Variants in HOOK3 observed in about 807,000 individuals in gnomAD.
HOOK3 encodes hook microtubule tethering protein 3, also known as protein Hook homolog 3.
HOOK3 carries 24 observed loss-of-function variants against 116.3 expected under a neutral mutation model. The ratio of observed to expected loss-of-function variants is 0.21; its 90% confidence interval spans 0.15 to 0.29. The LOEUF (loss-of-function observed/expected upper bound fraction) is 0.29. HOOK3 is among the 10% of genes least tolerant of loss of function. HOOK3 has a pLI of 1.00. For synonymous variants in HOOK3, 275 were observed against 283.0 expected (o/e 0.97, Z 0.28); for missense variants, 632 against 830.2 (o/e 0.76, Z 2.93).
rs912040983 is a variant in HOOK3 at position 43,022,339 on chromosome 8, C to T, written c.*3841C>T. ...GCTGTGCTGTATTTTTACAAACTCT[C>T]GCATACAGCACCTTCCTGGGGCCAC... On this transcript the variant is annotated 3_prime_UTR_variant, in exon 22 of 22. Transcript: ENST00000307602. 7.7e-5 allele frequency: 16 copies of T among 206,584 alleles called. No individual in the cohort carries two copies. Among genetic ancestry groups the T allele is most frequent in the East Asian group, 4.4e-4 (6 of 13,592 alleles). The allele number at this position is 206,584 out of a possible 1,614,324, so 12.8% of individuals were successfully genotyped here.
Position 42,906,155 on chromosome 8 carries a change from C to A in HOOK3, c.58-18C>A, listed in dbSNP as rs764464349. 2 of 941,976 alleles carry A rather than the reference C, an allele frequency of 2.1e-6. No homozygotes were observed. The highest frequency in any genetic ancestry group is 1.3e-5 in the South Asian group (1 of 78,210). The allele number at this position is 941,976 out of a possible 1,614,324, so 58.4% of individuals were successfully genotyped here. ...TAACCACAGAATCTCTCCCCCCCCC[C>A]TCTTTTTTTCCCTTCAGATCCAGAC... On this transcript the variant is annotated intron_variant, in intron 1 of 21. Coordinates refer to ENST00000307602, the MANE Select transcript of HOOK3 (RefSeq NM_032410.4).
intron 14 of HOOK3, among the ~76,000 whole-genome samples, chr8:42,985,191 C>T (rs1809027242): frequency 6.6e-6 from 1 of 152,122 alleles, no homozygotes; most frequent in South Asian, 2.1e-4. Context: ...TAAAAATGCA[C>T]CTATCTTTTG....
chr8:42,910,540 A>G (rs1394579018), intron 2 of HOOK3, among the ~76,000 whole-genome samples: 1 of 152,226 alleles, frequency 6.6e-6, no homozygotes, highest in Non-Finnish European at 1.5e-5. Context: ...CTTCAGTGCC[A>G]TTAATTAGTT....
intron 5 of HOOK3, among the ~76,000 whole-genome samples, chr8:42,944,818 C>T (rs1160287358): frequency 6.6e-6 from 1 of 151,210 alleles, no homozygotes; most frequent in African/African-American, 2.4e-5. Context: ...GACTTTTTCT[C>T]AGAAAAAAAA....
At chr8:42,949,067 G>T (rs1427005770) in intron 5 of HOOK3, among the ~76,000 whole-genome samples, 1 of 152,140 alleles carries the variant, frequency 6.6e-6, no homozygotes, top group Non-Finnish European at 1.5e-5. Flanking sequence ...GATTACAGTT[G>T]TCATTTCAAA....
chr8:42,907,409 T>C (rs556884481), intron 2 of HOOK3, among the ~76,000 whole-genome samples: 1 of 152,318 alleles, frequency 6.6e-6, no homozygotes, highest in South Asian at 2.1e-4. Flanking sequence ...ATGGTACATT[T>C]TTCCAGATAT....
At chr8:43,018,327 AT>A in intron 21 of HOOK3, 30 bp from the exon 22 acceptor site, 1 of 1,545,368 alleles carries the variant, frequency 6.5e-7, no homozygotes, top group South Asian at 1.2e-5. Context: ...CTATTTTTTC[AT>A]TGATTCCTTT....
At chr8:42,959,199 A>G in intron 7 of HOOK3, 32 bp from the exon 8 acceptor site, 2 of 1,408,886 alleles carry the variant, frequency 1.4e-6, no homozygotes, top group Non-Finnish European at 2.0e-6. Flanking sequence ...ACCACTTCAT[A>G]TTAAAATGTT....
chr8:43,000,575 C>T (rs547715973), intron 16 of HOOK3, among the ~76,000 whole-genome samples: 1 of 152,272 alleles, frequency 6.6e-6, no homozygotes, highest in South Asian at 2.1e-4. Flanking sequence ...TATCCCCCTC[C>T]TGCCCCATGC....
intron 2 of HOOK3, among the ~76,000 whole-genome samples, chr8:42,909,068 C>G (rs1807371250): frequency 6.6e-6 from 1 of 152,212 alleles, no homozygotes; most frequent in African/African-American, 2.4e-5. Context: ...ATGCTCATCA[C>G]TGATCACCAG....
Position 42,973,359 on chromosome 8 carries a change from G to T in HOOK3, c.1193G>T (p.Arg398Leu). Residue 398 changes from arginine to leucine, a missense_variant, in exon 12 of 22, where the codon CGG (arginine) becomes CTG (leucine). By Grantham distance (102) the Arg-to-Leu change is moderately radical. Transcript: ENST00000307602. ...GATAAACTAGATTTTGAATATAAGC[G>T]GCTAAAAGAAAAAGTTGACAGTCTT... ...KADKLDFEYK[R>L]LKEKVDSLQK... 6.2e-7 allele frequency: 1 copy of T among 1,612,568 alleles called. No homozygotes were observed. Among genetic ancestry groups the T allele is most frequent in the African/African-American group, 1.3e-5 (1 of 74,890 alleles).
Position 42,996,761 on chromosome 8 carries a change from C to T in HOOK3, c.1533-789C>T, listed in dbSNP as rs530466848. 7.9e-5 allele frequency among the ~76,000 whole-genome samples: 12 copies of T among 152,216 alleles called. No individual in the cohort carries two copies. In the South Asian group the frequency reaches 2.5e-3, roughly 32 times the overall value. ...CAAGCCCAGAGTATTTTAACTCCTC[C>T]AGAGAGTTATTGCTTCTTTGACCAT... On this transcript the variant is annotated intron_variant, in intron 15 of 21. Coordinates refer to ENST00000307602, the MANE Select transcript of HOOK3 (RefSeq NM_032410.4).
intron 17 of HOOK3, among the ~76,000 whole-genome samples, chr8:43,005,072 AAT>A (rs1449661357): frequency 4.0e-5 from 6 of 150,956 alleles, no homozygotes; most frequent in African/African-American, 1.5e-4. Context: ...AACCATGGCT[AAT>A]ACATCAACAC....
chr8:42,898,503 G>C (rs1563285598), intron 1 of HOOK3, among the ~76,000 whole-genome samples: 2 of 152,160 alleles, frequency 1.3e-5, no homozygotes, highest in South Asian at 4.1e-4. Context: ...GAGAGAGAGA[G>C]GAAAGAATTA....
At chr8:42,953,550 C>T (rs1306105459) in intron 6 of HOOK3, among the ~76,000 whole-genome samples, 1 of 151,018 alleles carries the variant, frequency 6.6e-6, no homozygotes, top group Non-Finnish European at 1.5e-5. Flanking sequence ...GGTGATAGTG[C>T]CAGACTCCAT....
chr8:42,910,861 G>A (rs1255630168), intron 2 of HOOK3, among the ~76,000 whole-genome samples: 1 of 152,212 alleles, frequency 6.6e-6, no homozygotes, highest in Non-Finnish European at 1.5e-5. Flanking sequence ...GTTGTAACAA[G>A]TGGTACAGAG....
At chr8:42,939,626 C>CG (rs1808059772) in intron 4 of HOOK3, among the ~76,000 whole-genome samples, 1 of 150,472 alleles carries the variant, frequency 6.6e-6, no homozygotes, top group African/African-American at 2.4e-5. Context: ...GGGGGCTGAC[C>CG]CCCCCACCTC....
At chr8:42,974,284 G>A (rs1808778440) in intron 13 of HOOK3, 90 bp downstream of exon 13, 1 of 934,090 alleles carries the variant, frequency 1.1e-6, no homozygotes, top group Non-Finnish European at 1.7e-6. Context: ...GAGTGCAATG[G>A]CACTGTCTTG....
chr8:42,948,476 C>T (rs1395895246), intron 5 of HOOK3, among the ~76,000 whole-genome samples: 1 of 152,206 alleles, frequency 6.6e-6, no homozygotes, highest in African/African-American at 2.4e-5. Flanking sequence ...AGGGCCTTGA[C>T]GTGGCAACAC....
Sources: gnomAD v4.1 joint callset for allele counts (sites outside exome capture counted in the v4.1 genomes callset) on GRCh38, gnomAD v4.1.1 for gene constraint, MANE v1.5 for transcripts, NCBI Gene and HGNC (gene_info 2026-07-23, HGNC 2026-07-21) for gene names.